The following EPM2A variants were observed in gnomAD, a reference collection of about 807,000 sequenced individuals.
EPM2A encodes laforin.
Under a neutral mutation model 26.5 loss-of-function variants are expected in EPM2A, and 21 were observed. The ratio of observed to expected loss-of-function variants is 0.79; its 90% CI spans 0.56 to 1.14. The LOEUF is 1.14. Ranked by LOEUF, EPM2A falls within the 50% of genes most tolerant of loss-of-function variation. The probability of loss-of-function intolerance (pLI) is 0.00; values close to 1 mark genes in which losing one functional copy is unlikely to be tolerated. For missense variants in EPM2A, 458 were observed against 440.8 expected, an observed-to-expected ratio of 1.04 and a Z score of -0.35; for synonymous variants, 217 against 177.6, an observed-to-expected ratio of 1.22 and a Z score of -1.76.
intron 4 of EPM2A, among the ~76,000 whole-genome samples, chr6:145,419,179 G>GCCCCCCCCCCCCCCCCC (rs1266559813): frequency 7.3e-6 from 1 of 136,212 alleles, no homozygotes; most frequent in Non-Finnish European, 1.6e-5. Flanking sequence ...TCTGTTAAAT[G>GCCCCCCCCCCCCCCCCC]TCCCCCCCCC....
At chr6:145,436,650 T>C (rs1273062327) in intron 4 of EPM2A, among the ~76,000 whole-genome samples, 2 of 152,280 alleles carry the variant, frequency 1.3e-5, no homozygotes, top group East Asian at 1.9e-4. Context: ...TATGGAGAAC[T>C]GTCTTTTCAA....
At chr6:145,470,098 A>G (rs1779454550) in intron 4 of EPM2A, among the ~76,000 whole-genome samples, 1 of 152,034 alleles carries the variant, frequency 6.6e-6, no homozygotes, top group Non-Finnish European at 1.5e-5. Context: ...AATGAATAAG[A>G]TCTAATATTT....
intron 2 of EPM2A, among the ~76,000 whole-genome samples, chr6:145,618,102 G>C (rs1775554652): frequency 6.6e-6 from 1 of 152,140 alleles, no homozygotes; most frequent in Non-Finnish European, 1.5e-5. Context: ...TCATGTTATA[G>C]TACAGCACAT....
chr6:145,488,657 C>G (rs1284159973), intron 4 of EPM2A, among the ~76,000 whole-genome samples: 1 of 151,708 alleles, frequency 6.6e-6, no homozygotes, highest in Non-Finnish European at 1.5e-5. Context: ...AGCACAAGAT[C>G]TTTACATTAA....
intron 1 of EPM2A, among the ~76,000 whole-genome samples, chr6:145,693,985 A>G (rs1469402859): frequency 6.6e-6 from 1 of 151,932 alleles, no homozygotes; most frequent in African/African-American, 2.4e-5. Context: ...CTAACTCATT[A>G]TTTTACATAG....
chr6:145,513,097 G>T (rs1324577571), intron 2 of EPM2A, among the ~76,000 whole-genome samples: 1 of 151,914 alleles, frequency 6.6e-6, no homozygotes, highest in Non-Finnish European at 1.5e-5. Context: ...GCACAGCAAA[G>T]AAATAACAGC....
At chr6:145,423,484 G>A (rs1047419266) in intron 4 of EPM2A, among the ~76,000 whole-genome samples, 1 of 152,178 alleles carries the variant, frequency 6.6e-6, no homozygotes, top group African/African-American at 2.4e-5. Flanking sequence ...ATGGAAGGGG[G>A]AAGCCTGTTC....
intron 2 of EPM2A, among the ~76,000 whole-genome samples, chr6:145,679,501 A>G (rs974333435): frequency 1.2e-4 from 18 of 152,050 alleles, no homozygotes; most frequent in African/African-American, 4.3e-4. Context: ...AACTCAGGCC[A>G]GAGACCCAAT....
In EPM2A at chr6:145,411,396, T is replaced by C. The variant is rs935579257; in HGVS notation, c.556-27299A>G. On this transcript the variant is annotated intron_variant, in intron 4 of 4. Coordinates refer to the EPM2A transcript ENST00000638717. ...AATGGAAACAATCATCATCAAGATA[T>C]ATTTGCTACATATCTAATTATACAT... 1.1e-4 allele frequency among the ~76,000 whole-genome samples: 16 copies of C among 152,228 alleles called. No homozygotes were observed. The East Asian group carries it at 2.9e-3, about 27-fold the overall frequency.
intron 1 of EPM2A, among the ~76,000 whole-genome samples, chr6:145,700,857 C>T (rs531481649): frequency 5.9e-5 from 9 of 152,264 alleles, no homozygotes; most frequent in East Asian, 3.9e-4. Flanking sequence ...GTAAAACACT[C>T]CCTTGAGCTG....
At chr6:145,565,186 C>T (rs1780866498) in intron 2 of EPM2A, among the ~76,000 whole-genome samples, 1 of 151,908 alleles carries the variant, frequency 6.6e-6, no homozygotes, top group South Asian at 2.1e-4. Context: ...TTTCTATTAG[C>T]ATGCCCATTC....
At chr6:145,386,646 G>A (rs1778265806) in intron 4 of EPM2A, among the ~76,000 whole-genome samples, 1 of 152,072 alleles carries the variant, frequency 6.6e-6, no homozygotes. Context: ...CCACTTGTTT[G>A]TGCTAAATAT....
At chr6:145,402,393 G>C (rs1217423344) in intron 4 of EPM2A, among the ~76,000 whole-genome samples, 2 of 152,114 alleles carry the variant, frequency 1.3e-5, no homozygotes, top group African/African-American at 4.8e-5. Context: ...GAAAAAGAGA[G>C]AAATCTTCCA....
rs891937378 is a variant in EPM2A at position 145,635,561 on chromosome 6, T to C, written c.477-75A>G. The C allele has an allele frequency of 7.7e-6, 11 of 1,434,610 alleles. No individual in the cohort carries two copies. The African/African-American group carries it at 1.1e-4, about 15-fold the overall frequency. 88.9% of individuals were successfully genotyped at this position (1,434,610 alleles called of 1,614,324 possible). On this transcript the variant is annotated intron_variant, in intron 2 of 3. Coordinates refer to ENST00000367519, the MANE Select transcript of EPM2A (RefSeq NM_005670.4). The stretch of plus-strand genomic sequence containing the variant: ...GGTTTAAGGAGCTGCATAAAACATG[T>C]AGTATTAAAATATAACTAACCTTTA...
intron 1 of EPM2A, among the ~76,000 whole-genome samples, chr6:145,712,833 C>G (rs1444425563): frequency 6.6e-6 from 1 of 152,158 alleles, no homozygotes; most frequent in African/African-American, 2.4e-5. Context: ...ACCTTACTGT[C>G]CTGATTTGGC....
chr6:145,552,984 C>T (rs116001264), intron 2 of EPM2A, among the ~76,000 whole-genome samples: 12,189 of 152,098 alleles, frequency 0.08, 575 homozygotes, highest in East Asian at 0.17. Context: ...TATGGTTTGG[C>T]TCTGTGTCCC....
At position 145,735,283 on chromosome 6, in the gene EPM2A, C is replaced by A; in HGVS notation, c.216G>T (p.Ala72=). The A allele has an allele frequency of 6.7e-7, 1 of 1,494,870 alleles. No individual in the cohort carries two copies. Among genetic ancestry groups the A allele is most frequent in the Non-Finnish European group, 8.9e-7 (1 of 1,120,300 alleles). The allele number at this position is 1,494,870 out of a possible 1,614,324, so 92.6% of individuals were successfully genotyped here. ...GEVELAAEEA[A]QDGAEPGRVD... Reference sequence around the variant, plus strand: ...CGCGGCCCGGCTCCGCCCCGTCCTGCGCCGCCTCCTCGGCCGCCAGCTCCA... The same window carrying A: ...CGCGGCCCGGCTCCGCCCCGTCCTGAGCCGCCTCCTCGGCCGCCAGCTCCA... Residue 72 remains alanine, a synonymous_variant, in exon 1 of 4, where the codon GCG becomes GCT. Coordinates refer to ENST00000367519, the MANE Select transcript of EPM2A (RefSeq NM_005670.4).
At chr6:145,407,420 TTAA>T (rs1357330490) in intron 4 of EPM2A, among the ~76,000 whole-genome samples, 14 of 152,080 alleles carry the variant, frequency 9.2e-5, no homozygotes, top group Admixed American at 9.2e-4. Context: ...GCCATACAAT[TTAA>T]TAATATTTCA....
chr6:145,667,491 C>A (rs1349303641), intron 2 of EPM2A, among the ~76,000 whole-genome samples: 1 of 149,336 alleles, frequency 6.7e-6, no homozygotes, highest in Non-Finnish European at 1.5e-5. Context: ...GTTAGAATGG[C>A]AATCATTAAA....
Sources: gnomAD v4.1 joint callset for allele counts (sites outside exome capture counted in the v4.1 genomes callset) on GRCh38, gnomAD v4.1.1 for gene constraint, MANE v1.5 for transcripts, NCBI Gene and HGNC (gene_info 2026-07-23, HGNC 2026-07-21) for gene names.